The following LRRC23 variants were observed in gnomAD, a reference collection of about 807,000 sequenced individuals.
LRRC23 encodes the protein leucine-rich repeat-containing protein 23.
A neutral mutation model predicts 37.7 loss-of-function variants in LRRC23; 28 were observed. That is an observed-to-expected ratio of 0.74 (90% CI 0.55 to 1.02). The LOEUF (loss-of-function observed/expected upper bound fraction) is 1.02, where lower values mean the gene tolerates loss of function less well. LRRC23 is among the 50% of genes least tolerant of loss of function. The probability of loss-of-function intolerance (pLI) is 0.00; values close to 1 mark genes in which losing one functional copy is unlikely to be tolerated. For synonymous variants in LRRC23, 161 were observed against 165.4 expected (o/e 0.97, Z 0.20); for missense variants, 377 against 413.2 (o/e 0.91, Z 0.76).
intron 1 of LRRC23, 132 bp from the exon 2 acceptor site, chr12:6,905,453 G>A: frequency 3.4e-6 from 2 of 581,984 alleles, no homozygotes; most frequent in South Asian, 3.9e-5. Context: ...ATCAAAATGA[G>A]ATGTTCACAG....
At chr12:6,911,145 G>A (rs1227230939) in intron 6 of LRRC23, among the ~76,000 whole-genome samples, 3 of 152,272 alleles carry the variant, frequency 2.0e-5, no homozygotes, top group African/African-American at 7.2e-5. Context: ...GAGGAGAGAA[G>A]GACATTTGTA....
chr12:6,913,833 G>T (rs1481700310), intron 7 of LRRC23, 58 bp from the exon 8 acceptor site: 34 of 1,346,764 alleles, frequency 2.5e-5, no homozygotes, highest in Non-Finnish European at 3.2e-5. Flanking sequence ...AAAGTGCTGG[G>T]ATTACAGGGG....
chr12:6,912,917 G>T lies in LRRC23; in HGVS notation c.946G>T (p.Asp316Tyr). 6.2e-7 allele frequency: 1 copy of T among 1,614,156 alleles called. No homozygotes were observed. The highest frequency in any genetic ancestry group is 8.5e-7 in the Non-Finnish European group (1 of 1,180,028). Reference protein sequence around the residue: ...FYEEEERAEADVIRQRLKEEK... With the variant: ...FYEEEERAEAYVIRQRLKEEK... ...TGAGGAGGAGGAACGGGCTGAGGCTGATGTGATTCGACAGAGGCTGAAGGA... is the reference window on the plus strand; with the variant it reads ...TGAGGAGGAGGAACGGGCTGAGGCTTATGTGATTCGACAGAGGCTGAAGGA... The change falls in exon 7 of 8, where the codon GAT becomes TAT. Residue 316 changes from aspartate to tyrosine, a missense_variant. This residue lies in a region of LRRC23 where 266 missense variants were observed against 285.6 expected (regional missense o/e 0.93). Transcript: ENST00000443597.
chr12:6,909,957 G>A lies in LRRC23; in HGVS notation c.689G>A (p.Arg230Gln), dbSNP rs782603047. 9 of 1,613,642 alleles carry A rather than the reference G, an allele frequency of 5.6e-6. No individual in the cohort carries two copies. The highest frequency in any genetic ancestry group is 5.3e-5 in the African/African-American group (4 of 74,834). The change falls in exon 6 of 8, where the codon CGA (arginine) becomes CAA (glutamine). Residue 230 changes from arginine (R) to glutamine (Q), a missense_variant. Around this residue, in one of 3 missense-constraint regions of LRRC23, gnomAD observed 266 missense variants for 285.6 expected, o/e 0.93. Transcript: ENST00000443597. ...AGCAATCTCACCACCTTGCATCTTC[G>A]AGACAACCAGATTGACACCCTGAGT... Reference protein sequence around the residue: ...DLSNLTTLHLRDNQIDTLSGF... With the variant: ...DLSNLTTLHLQDNQIDTLSGF...
Position 6,909,357 on chromosome 12 carries a change from GTATAT to G in LRRC23, c.622-527_622-523del, listed in dbSNP as rs1372353120. On this transcript the variant is annotated intron_variant, in intron 5 of 7. Transcript: ENST00000443597. ...ATATAATATATAAATATATATAATA[GTATAT>G]TATATATAATATATTTTATATAATA... 4.0e-4 allele frequency among the ~76,000 whole-genome samples: 10 copies of G among 24,966 alleles called. 1 individual carries two copies. In the South Asian group the frequency reaches 4.6e-3, roughly 12 times the overall value. The allele number at this position is 24,966 out of a possible 152,430, so 16.4% of individuals were successfully genotyped here. A position where few individuals can be genotyped will look rare whatever the true frequency, so the allele number is the denominator to read the frequency against.
rs781996460 is a variant in LRRC23, at chr12:6,912,964, G to T, written c.993G>T (p.Glu331Asp). The change falls in exon 7 of 8, where the codon GAG (glutamate) becomes GAT (aspartate). Residue 331 changes from glutamate to aspartate, a missense_variant. By Grantham distance (45) the Glu-to-Asp change is conservative. This residue lies in a region of LRRC23 where 266 missense variants were observed against 285.6 expected (regional missense o/e 0.93). Transcript: ENST00000443597. The stretch of plus-strand genomic sequence containing the variant: ...AGGAAGAAAAGGAGCAGGAGCCTGA[G>T]CCCCAGCGTGACCTGGAACCCGAAC... ...RLKEEKEQEP[E>D]PQRDLEPEQS... 2.3e-5 allele frequency: 37 copies of T among 1,613,996 alleles called. No individual in the cohort carries two copies. Among genetic ancestry groups the T allele is most frequent in the Non-Finnish European group, 3.1e-5 (36 of 1,180,036 alleles).
intron 3 of LRRC23, 108 bp downstream of exon 3, chr12:6,906,062 C>T: frequency 1.0e-6 from 1 of 992,488 alleles, no homozygotes; most frequent in Non-Finnish European, 1.6e-6. Flanking sequence ...CTTCTCATGC[C>T]TAGTGGAAAG....
chr12:6,910,058 C>T, intron 6 of LRRC23, 32 bp downstream of exon 6: 2 of 1,580,364 alleles, frequency 1.3e-6, no homozygotes, highest in Non-Finnish European at 1.7e-6. Context: ...CACCTTGCCC[C>T]TACCCCTGAC....
rs1555139428 is a variant in LRRC23, at chr12:6,905,844, G to T, written c.127-1G>T. On this transcript the variant is annotated splice_acceptor_variant, in intron 2 of 7. Transcript: ENST00000443597. LOFTEE classifies it high-confidence loss of function. ...ACACCTTACTCCACTTCTACCTGCA[G>T]TGGCTGCCCACCCCCCTCACGGAGG... The T allele has an allele frequency of 6.2e-7, 1 of 1,614,042 alleles. No homozygotes were observed. Among genetic ancestry groups the T allele is most frequent in the South Asian group, 1.1e-5 (1 of 91,082 alleles).
At position 6,914,092 on chromosome 12, in the gene LRRC23, C is replaced by CTAG; in HGVS notation, c.*227_*229dup. The CTAG allele has an allele frequency of 6.5e-7, 1 of 1,533,448 alleles. No homozygotes were observed. The highest frequency in any genetic ancestry group is 1.3e-5 in the South Asian group (1 of 78,116). 95.0% of individuals were successfully genotyped at this position (1,533,448 alleles called of 1,614,324 possible). A position where few individuals can be genotyped will look rare whatever the true frequency, so the allele number is the denominator to read the frequency against. Reference sequence around the variant, plus strand: ...CCTAGGCCTGAGCGTTGCCTGGAGCCTAGGCCGGGGGCCGCCCTCGGGCAG... The same window carrying CTAG: ...CCTAGGCCTGAGCGTTGCCTGGAGCCTAGTAGGCCGGGGGCCGCCCTCGGGCAG... On this transcript the variant is annotated 3_prime_UTR_variant, in exon 8 of 8. Coordinates refer to ENST00000443597, the MANE Select transcript of LRRC23 (RefSeq NM_001135217.2). This position sits in a 1 kb window ranked among gnomAD's most constrained non-coding sequence, Gnocchi z 7.1.
At chr12:6,912,086 A>G (rs1369138299) in intron 6 of LRRC23, among the ~76,000 whole-genome samples, 1 of 152,112 alleles carries the variant, frequency 6.6e-6, no homozygotes, top group African/African-American at 2.4e-5. Flanking sequence ...GGAGGCTCCA[A>G]CCCATCCATA....
Position 6,912,957 on chromosome 12 carries a change from A to G in LRRC23, c.986A>G (p.Glu329Gly), listed in dbSNP as rs1372579079. 5.0e-6 allele frequency: 8 copies of G among 1,614,020 alleles called. No homozygotes were observed. The Admixed American group carries it at 1.3e-4, about 27-fold the overall frequency. Residue 329 changes from glutamate (E) to glycine (G), a missense_variant, in exon 7 of 8, where the codon GAG becomes GGG. Coordinates refer to ENST00000443597, the MANE Select transcript of LRRC23 (RefSeq NM_001135217.2). ...RQRLKEEKEQ[E>G]PEPQRDLEPE... Reference sequence around the variant, plus strand: ...AGGCTGAAGGAAGAAAAGGAGCAGGAGCCTGAGCCCCAGCGTGACCTGGAA... The same window carrying G: ...AGGCTGAAGGAAGAAAAGGAGCAGGGGCCTGAGCCCCAGCGTGACCTGGAA...
At position 6,905,969 on chromosome 12, in the gene LRRC23, GACC is replaced by G; in HGVS notation, c.236+17_236+19del. ...GTTAAAGAGAGGTGCGTTTTGGGGG[GACC>G]AGATGAGGACTGTGAGACTGTAGGG... On this transcript the variant is annotated intron_variant, in intron 3 of 7. Coordinates refer to ENST00000443597, the MANE Select transcript of LRRC23 (RefSeq NM_001135217.2). The G allele has an allele frequency of 1.9e-6, 3 of 1,603,636 alleles. No individual in the cohort carries two copies. Among genetic ancestry groups the G allele is most frequent in the Non-Finnish European group, 2.6e-6 (3 of 1,171,084 alleles).
intron 5 of LRRC23, among the ~76,000 whole-genome samples, chr12:6,908,993 G>A (rs1189764573): frequency 8.7e-6 from 1 of 114,706 alleles, no homozygotes; most frequent in African/African-American, 3.3e-5. Flanking sequence ...TATTATGGGG[G>A]TTATAAGCTA....
In LRRC23 at chr12:6,905,610, C is replaced by T; in HGVS notation, c.-24C>T. ...GAGGAGGACTGAGCTTATCTGACTC[C>T]AGAGCTTTCAGGAGGGAAGAAAGAT... On this transcript the variant is annotated 5_prime_UTR_variant, in exon 2 of 8. Transcript: ENST00000443597. 6.2e-7 allele frequency: 1 copy of T among 1,613,120 alleles called. No homozygotes were observed.
chr12:6,908,622 C>CAAAAAGAA (rs1565552999), intron 5 of LRRC23, among the ~76,000 whole-genome samples: 2 of 65,708 alleles, frequency 3.0e-5, no homozygotes, highest in Non-Finnish European at 6.5e-5. Flanking sequence ...AAAAAAAAAC[C>CAAAAAGAA]AAAGAAAAAC....
intron 6 of LRRC23, among the ~76,000 whole-genome samples, chr12:6,911,403 TG>T (rs1555140729): frequency 6.6e-6 from 1 of 152,076 alleles, no homozygotes; most frequent in Non-Finnish European, 1.5e-5. Context: ...ACGGATCTGG[TG>T]GGGTGTGTAT....
chr12:6,913,939 C>CCA lies in LRRC23; in HGVS notation c.*75_*76dup. The CCA allele has an allele frequency of 6.2e-7, 1 of 1,611,846 alleles. No homozygotes were observed. Among genetic ancestry groups the CCA allele is most frequent in the Non-Finnish European group, 8.5e-7 (1 of 1,179,028 alleles). On this transcript the variant is annotated 3_prime_UTR_variant, in exon 8 of 8. Transcript: ENST00000443597. ...GACCTGATCAGACTCCCAGGGGCAG[C>CCA]CACCACATGTATGACAGAGAACAGA...
chr12:6,909,453 TATATA>T (rs1945099702), intron 5 of LRRC23, among the ~76,000 whole-genome samples: 1 of 86,652 alleles, frequency 1.2e-5, no homozygotes, highest in African/African-American at 5.4e-5. Flanking sequence ...TAGTATATAA[TATATA>T]ATATATAATA....
Sources: gnomAD v4.1 joint callset for allele counts (sites outside exome capture counted in the v4.1 genomes callset) on GRCh38, gnomAD v4.1.1 for gene constraint, gnomAD v4.1.1 regional missense constraint, Gnocchi (gnomAD v3.1) non-coding constraint, MANE v1.5 for transcripts, NCBI Gene and HGNC (gene_info 2026-07-23, HGNC 2026-07-21) for gene names.